The following CYP4F3 variants were observed in gnomAD, a reference collection of about 807,000 sequenced individuals.
CYP4F3 encodes cytochrome P450 family 4 subfamily F member 3.
In CYP4F3, 50 loss-of-function variants were observed where a neutral mutation model predicts 54.8. That is an observed-to-expected ratio of 0.91 (90% CI 0.73 to 1.16). The LOEUF (loss-of-function observed/expected upper bound fraction) is 1.16. CYP4F3 is among the 50% of genes most tolerant of loss of function. The pLI is 0.00. For synonymous variants in CYP4F3, 244 were observed against 262.6 expected (o/e 0.93, Z 0.69); for missense variants, 715 against 676.2 (o/e 1.06, Z -0.64).
chr19:15,650,711 TC>T (rs1156550640), intron 7 of CYP4F3, among the ~76,000 whole-genome samples: 2 of 82,216 alleles, frequency 2.4e-5, no homozygotes, highest in Non-Finnish European at 4.4e-5. Context: ...TTTCTTTCTT[TC>T]TTTCTTTCTT....
rs28371482 is a variant in CYP4F3 at position 15,652,058 on chromosome 19, T to TAGAGAGAGAG, written c.919-504_919-495dup. On this transcript the variant is annotated intron_variant, in intron 7 of 12. Transcript: ENST00000221307. The stretch of plus-strand genomic sequence containing the variant: ...ATTATGAGTCTCAGCACATTTTCTA[T>TAGAGAGAGAG]AGAGAGAGAGAGAGAGGAAGAAAGA... Among the ~76,000 whole-genome samples the TAGAGAGAGAG allele has an allele frequency of 5.2e-4, 78 of 150,496 alleles. 1 individual carries two copies. Among genetic ancestry groups the TAGAGAGAGAG allele is most frequent in the African/African-American group, 1.6e-3 (67 of 41,004 alleles).
chr19:15,646,956 G>A, intron 3 of CYP4F3, 96 bp from the exon 4 acceptor site: 2 of 1,542,104 alleles, frequency 1.3e-6, no homozygotes, highest in South Asian at 1.2e-5. Context: ...GGCTTGGAGG[G>A]AAGAAGTGCA....
chr19:15,651,502 G>A lies in CYP4F3; in HGVS notation c.919-1067G>A, dbSNP rs376347283. On this transcript the variant is annotated intron_variant, in intron 7 of 12. Coordinates refer to ENST00000221307, the MANE Select transcript of CYP4F3 (RefSeq NM_000896.3). ...CCTGCCTCAGCCTCCCAACTAGCTG[G>A]GATTAGAGGCACCTGGCTAATTTTT... 5.1e-4 allele frequency among the ~76,000 whole-genome samples: 71 copies of A among 139,146 alleles called. 7 individuals are homozygous for A. In the East Asian group the frequency reaches 9.5e-3, roughly 19 times the overall value. 91.3% of individuals were successfully genotyped at this position (139,146 alleles called of 152,430 possible).
In CYP4F3 at chr19:15,659,704, G is replaced by A; in HGVS notation, c.*319G>A. The A allele has an allele frequency of 6.0e-6, 2 of 331,238 alleles. No homozygotes were observed. The highest frequency in any genetic ancestry group is 5.9e-5 in the East Asian group (1 of 16,906). The allele number at this position is 331,238 out of a possible 1,614,324, so 20.5% of individuals were successfully genotyped here. A position where few individuals can be genotyped will look rare whatever the true frequency, so the allele number is the denominator to read the frequency against. On this transcript the variant is annotated 3_prime_UTR_variant, in exon 13 of 13. Coordinates refer to ENST00000221307, the MANE Select transcript of CYP4F3 (RefSeq NM_000896.3). ...ATGAAGCAGTGATCCCCACTACACT[G>A]TGGATGAACCTTGAATGCATGATAC...
chr19:15,649,034 G>T, intron 5 of CYP4F3, 126 bp from the exon 6 acceptor site: 1 of 1,435,356 alleles, frequency 7.0e-7, no homozygotes, highest in Non-Finnish European at 9.3e-7. Flanking sequence ...TGGTGCTCCC[G>T]GGTAAAGGGT....
In CYP4F3 at chr19:15,662,716, A is replaced by G. The variant is rs1973208037; in HGVS notation, c.*3331A>G. Reference sequence around the variant, plus strand: ...TTTGTTTTCTTGAATTTCTTTTATCATTGTTTTGTAGTTTTCACCATGACA... The same window carrying G: ...TTTGTTTTCTTGAATTTCTTTTATCGTTGTTTTGTAGTTTTCACCATGACA... On this transcript the variant is annotated 3_prime_UTR_variant, in exon 13 of 13. Coordinates refer to ENST00000221307, the MANE Select transcript of CYP4F3 (RefSeq NM_000896.3). 1 of 152,078 alleles carries G rather than the reference A, an allele frequency of 6.6e-6. No individual in the cohort carries two copies. The highest frequency in any genetic ancestry group is 1.5e-5 in the Non-Finnish European group (1 of 68,008). The allele number at this position is 152,078 out of a possible 1,614,324, so 9.4% of individuals were successfully genotyped here. A position where few individuals can be genotyped will look rare whatever the true frequency, so the allele number is the denominator to read the frequency against.
At chr19:15,646,574 T>C (rs976358162) in intron 3 of CYP4F3, among the ~76,000 whole-genome samples, 2 of 152,198 alleles carry the variant, frequency 1.3e-5, no homozygotes, top group African/African-American at 4.8e-5. Context: ...GAGCATACCA[T>C]CTCATGTTAG....
intron 7 of CYP4F3, among the ~76,000 whole-genome samples, chr19:15,650,911 A>C (rs1442017146): frequency 8.1e-6 from 1 of 123,430 alleles, no homozygotes; most frequent in African/African-American, 3.2e-5. Context: ...GTCTCGCTCT[A>C]TCACCCAGGC....
chr19:15,642,359 A>G (rs764732639), intron 2 of CYP4F3, among the ~76,000 whole-genome samples: 1 of 152,190 alleles, frequency 6.6e-6, no homozygotes, highest in Non-Finnish European at 1.5e-5. Flanking sequence ...AGCCACTGTC[A>G]TGATGGACAG....
At chr19:15,650,418 A>G in intron 7 of CYP4F3, 1 of 771,634 alleles carries the variant, frequency 1.3e-6, no homozygotes, top group Admixed American at 2.8e-5. Flanking sequence ...TAAGTTAATA[A>G]GCTAATTGGC....
In CYP4F3 at chr19:15,641,012, G is replaced by A. The variant is rs1020788641; in HGVS notation, c.-2+67G>A. The A allele has an allele frequency of 1.2e-4, 25 of 208,002 alleles. 1 individual carries two copies. The highest frequency in any genetic ancestry group is 5.8e-4 in the African/African-American group (25 of 43,010). The allele number at this position is 208,002 out of a possible 1,614,324, so 12.9% of individuals were successfully genotyped here. The stretch of plus-strand genomic sequence containing the variant: ...TGATGGAGATGGGCACTGGGCAAGG[G>A]ATTGGGCGCACACATAGGGGAGCCC... On this transcript the variant is annotated intron_variant, in intron 1 of 12. Coordinates refer to ENST00000221307, the MANE Select transcript of CYP4F3 (RefSeq NM_000896.3).
intron 3 of CYP4F3, among the ~76,000 whole-genome samples, chr19:15,646,165 C>T (rs1049403510): frequency 3.3e-5 from 5 of 152,160 alleles, no homozygotes; most frequent in African/African-American, 7.2e-5. Context: ...ATGTTATACC[C>T]GGTTACATCT....
At chr19:15,656,216 A>G (rs896939130) in intron 9 of CYP4F3, among the ~76,000 whole-genome samples, 6 of 152,132 alleles carry the variant, frequency 3.9e-5, no homozygotes, top group Non-Finnish European at 2.9e-5. Context: ...GAGTTCCTCC[A>G]GGTTCTTCCA....
At chr19:15,645,640 GCTTCCACCT>G (rs1972600631) in intron 2 of CYP4F3, 70 bp from the exon 3 acceptor site, 1 of 1,499,058 alleles carries the variant, frequency 6.7e-7, no homozygotes, top group South Asian at 1.3e-5. Context: ...CAGGGAGAGG[GCTTCCACCT>G]CTTCCCTGCA....
intron 2 of CYP4F3, chr19:15,643,771 A>G: frequency 8.7e-7 from 1 of 1,153,404 alleles, no homozygotes; most frequent in Non-Finnish European, 1.1e-6. Context: ...TCCTCAGTTT[A>G]CCAAATTGAA....
chr19:15,647,500 G>A (rs1354096372), intron 5 of CYP4F3, among the ~76,000 whole-genome samples, 176 bp downstream of exon 5: 1 of 152,104 alleles, frequency 6.6e-6, no homozygotes, highest in Non-Finnish European at 1.5e-5. Flanking sequence ...GTGATGTAGT[G>A]GAGTCATGTC....
intron 12 of CYP4F3, 31 bp downstream of exon 12, chr19:15,658,840 G>T (rs375218210): frequency 4.3e-6 from 7 of 1,611,480 alleles, no homozygotes; most frequent in Non-Finnish European, 5.1e-6. Flanking sequence ...AGGCGGGGAC[G>T]GGGAGATAGG....
chr19:15,645,695 T>C, intron 2 of CYP4F3, 24 bp from the exon 3 acceptor site: 1 of 1,585,882 alleles, frequency 6.3e-7, no homozygotes. Flanking sequence ...GAGCATGAAT[T>C]GGGTCCTGTG....
intron 1 of CYP4F3, chr19:15,641,148 G>T (rs971814062): frequency 6.5e-6 from 3 of 462,500 alleles, no homozygotes; most frequent in Non-Finnish European, 1.2e-5. Context: ...ACGTCCTAAT[G>T]ATTCAGGCTG....
Sources: allele counts gnomAD v4.1 joint callset (sites outside exome capture counted in the v4.1 genomes callset), GRCh38; gene constraint gnomAD v4.1.1; transcripts MANE v1.5; gene names NCBI Gene and HGNC (gene_info 2026-07-23, HGNC 2026-07-21).